Variants in ARHGAP15 observed in about 807,000 individuals in gnomAD.
ARHGAP15 encodes rho GTPase-activating protein 15.
Under a neutral mutation model 63.7 loss-of-function variants are expected in ARHGAP15, and 51 were observed. That is an observed-to-expected ratio of 0.80 (90% CI 0.64 to 1.01). The LOEUF (loss-of-function observed/expected upper bound fraction) is 1.01. ARHGAP15 is among the 50% of genes least tolerant of loss of function. ARHGAP15 has a pLI of 0.00. For synonymous variants in ARHGAP15, 191 were observed against 193.8 expected (o/e 0.99, Z 0.12); for missense variants, 560 against 564.6 (o/e 0.99, Z 0.08).
At chr2:143,416,904 C>T (rs1688715050) in intron 6 of ARHGAP15, among the ~76,000 whole-genome samples, 1 of 148,104 alleles carries the variant, frequency 6.8e-6, no homozygotes, top group African/African-American at 2.5e-5. Flanking sequence ...AGATTTCTCT[C>T]AGCATACTGT....
intron 10 of ARHGAP15, among the ~76,000 whole-genome samples, chr2:143,536,512 A>C (rs1284038561): frequency 7.2e-6 from 1 of 138,468 alleles, no homozygotes. Flanking sequence ...TCCTAATGCT[A>C]TCCCTCCCCC....
chr2:143,302,357 ATT>A (rs1682943577), intron 6 of ARHGAP15, among the ~76,000 whole-genome samples: 1 of 151,984 alleles, frequency 6.6e-6, no homozygotes, highest in South Asian at 2.1e-4. Context: ...CCCCAAGTTA[ATT>A]TTTTGTTTAA....
At chr2:143,736,961 A>T (rs1037167618) in intron 13 of ARHGAP15, among the ~76,000 whole-genome samples, 5 of 152,236 alleles carry the variant, frequency 3.3e-5, no homozygotes, top group Non-Finnish European at 7.3e-5. Flanking sequence ...CTCTCCAAAG[A>T]AAGTGTTTGC....
At chr2:143,752,997 T>C (rs1245222766) in intron 13 of ARHGAP15, among the ~76,000 whole-genome samples, 1 of 152,040 alleles carries the variant, frequency 6.6e-6, no homozygotes, top group Non-Finnish European at 1.5e-5. Flanking sequence ...TTTTTTTAAT[T>C]AGCCGGGCAT....
At chr2:143,266,659 A>G (rs895468503) in intron 6 of ARHGAP15, among the ~76,000 whole-genome samples, 1 of 152,192 alleles carries the variant, frequency 6.6e-6, no homozygotes, top group Non-Finnish European at 1.5e-5. Flanking sequence ...AGAGACAGAG[A>G]GATAGAGTTC....
intron 5 of ARHGAP15, among the ~76,000 whole-genome samples, chr2:143,230,140 G>A (rs1574123270): frequency 6.6e-6 from 1 of 152,170 alleles, no homozygotes; most frequent in Non-Finnish European, 1.5e-5. Context: ...TAAGGGGGAA[G>A]TCAGGAGGGG....
In ARHGAP15 at chr2:143,153,873, T is replaced by TTCCTCC. The variant is rs372991318; in HGVS notation, c.-14-1581_-14-1576dup. 1.5e-4 allele frequency among the ~76,000 whole-genome samples: 7 copies of TTCCTCC among 46,896 alleles called. 1 individual carries two copies. Among genetic ancestry groups the TTCCTCC allele is most frequent in the Middle Eastern group, 9.8e-3 (1 of 102 alleles). The allele number at this position is 46,896 out of a possible 152,430, so 30.8% of individuals were successfully genotyped here. Reference sequence around the variant, plus strand: ...CCTCCTCCTCCTCCTCCTCCTCCTCTTCCTCCTCCTCCTCCTCCTCCTCCT... The same window carrying TTCCTCC: ...CCTCCTCCTCCTCCTCCTCCTCCTCTTCCTCCTCCTCCTCCTCCTCCTCCTCCTCCT... On this transcript the variant is annotated intron_variant, in intron 1 of 13. Coordinates refer to ENST00000295095, the MANE Select transcript of ARHGAP15 (RefSeq NM_018460.4).
chr2:143,732,694 CA>C (rs1685586588), intron 13 of ARHGAP15, among the ~76,000 whole-genome samples: 1 of 151,104 alleles, frequency 6.6e-6, no homozygotes, highest in Non-Finnish European at 1.5e-5. Flanking sequence ...CAATGGAAAA[CA>C]TATGAGATTT....
At chr2:143,626,543 A>T (rs539216316) in intron 12 of ARHGAP15, among the ~76,000 whole-genome samples, 1 of 152,126 alleles carries the variant, frequency 6.6e-6, no homozygotes, top group African/African-American at 2.4e-5. Flanking sequence ...CTTCCACAGC[A>T]TGGAAGGGGA....
At position 143,605,207 on chromosome 2, in the gene ARHGAP15, A is replaced by G. The variant is rs535198947; in HGVS notation, c.1004-18926A>G. Among the ~76,000 whole-genome samples, 50 of 152,200 alleles carry G rather than the reference A, an allele frequency of 3.3e-4. 1 individual carries two copies. The highest frequency in any genetic ancestry group is 3.9e-4 in the Admixed American group (6 of 15,276). Reference sequence around the variant, plus strand: ...ACCCAGCCATACTTTGCATTTTTACAGCTTGTTTTCACCTATATTTTTTGA... The same window carrying G: ...ACCCAGCCATACTTTGCATTTTTACGGCTTGTTTTCACCTATATTTTTTGA... On this transcript the variant is annotated intron_variant, in intron 11 of 13. Transcript: ENST00000295095.
chr2:143,655,903 A>G (rs1681410650), intron 12 of ARHGAP15, among the ~76,000 whole-genome samples: 1 of 152,120 alleles, frequency 6.6e-6, no homozygotes, highest in African/African-American at 2.4e-5. Context: ...GATTTATGTC[A>G]ACAACTAGAG....
chr2:143,379,789 T>C (rs1686984747), intron 6 of ARHGAP15, among the ~76,000 whole-genome samples: 1 of 151,604 alleles, frequency 6.6e-6, no homozygotes. Context: ...GTAGGAAAAA[T>C]AATGACTATT....
At chr2:143,438,138 AT>A (rs557205342) in intron 8 of ARHGAP15, among the ~76,000 whole-genome samples, 3 of 151,878 alleles carry the variant, frequency 2.0e-5, no homozygotes, top group Non-Finnish European at 4.4e-5. Context: ...GCAAATCATC[AT>A]TTTTTTCCTG....
intron 3 of ARHGAP15, among the ~76,000 whole-genome samples, chr2:143,208,253 C>T (rs541709233): frequency 8.5e-5 from 13 of 152,122 alleles, no homozygotes; most frequent in Admixed American, 2.6e-4. Flanking sequence ...CCAGGAAACA[C>T]GAGAGACATT....
intron 12 of ARHGAP15, among the ~76,000 whole-genome samples, chr2:143,664,285 A>G (rs940030893): frequency 6.6e-6 from 1 of 151,872 alleles, no homozygotes; most frequent in African/African-American, 2.4e-5. Flanking sequence ...GCTCAACTAC[A>G]TGGAAACTGA....
intron 8 of ARHGAP15, 136 bp downstream of exon 8, chr2:143,437,178 T>A: frequency 3.0e-6 from 3 of 1,015,216 alleles, no homozygotes; most frequent in Non-Finnish European, 4.2e-6. Context: ...TGGCCAGGGA[T>A]TTGTGCACTG....
At chr2:143,413,979 G>A (rs540629483) in intron 6 of ARHGAP15, among the ~76,000 whole-genome samples, 1,669 of 148,330 alleles carry the variant, frequency 0.011, 39 homozygotes, top group African/African-American at 0.039. Flanking sequence ...GCGCTCTCTG[G>A]CAGAAAGTTA....
intron 8 of ARHGAP15, among the ~76,000 whole-genome samples, chr2:143,482,377 A>G (rs1692120813): frequency 1.3e-5 from 2 of 152,234 alleles, no homozygotes; most frequent in Non-Finnish European, 2.9e-5. Flanking sequence ...TTTTTCATAA[A>G]TGATGGATTA....
chr2:143,237,061 A>C (rs1693682316), intron 5 of ARHGAP15: 1 of 152,162 alleles, frequency 6.6e-6, no homozygotes, highest in African/African-American at 2.4e-5. Flanking sequence ...AGAAGAGATC[A>C]TTTCATTCTG....
Sources: allele counts gnomAD v4.1 joint callset (sites outside exome capture counted in the v4.1 genomes callset), GRCh38; gene constraint gnomAD v4.1.1; transcripts MANE v1.5; gene names NCBI Gene and HGNC (gene_info 2026-07-23, HGNC 2026-07-21).